ABCA3: variants seen among roughly 807,000 people sequenced by gnomAD.
ABCA3 encodes the protein phospholipid-transporting ATPase ABCA3.
Under a neutral mutation model 172.8 loss-of-function variants are expected in ABCA3, and 88 were observed. The observed-to-expected ratio is 0.51, with a 90% confidence interval of 0.43 to 0.61. The LOEUF (loss-of-function observed/expected upper bound fraction) is 0.61. Ranked by LOEUF, ABCA3 falls within the 20% of genes least tolerant of loss-of-function variation. ABCA3 has a pLI of 0.00. For synonymous variants in ABCA3, 1,066 were observed against 983.8 expected (o/e 1.08, Z -1.56); for missense variants, 2,164 against 2,301.0 (o/e 0.94, Z 1.22).
intron 2 of ABCA3, 139 bp from the exon 3 acceptor site, chr16:2,328,896 G>T (rs1401365457): frequency 1.3e-5 from 2 of 151,834 alleles, no homozygotes; most frequent in African/African-American, 4.8e-5. Flanking sequence ...GCACGGGGAA[G>T]GGTTTTTTTT....
rs975627954 is a variant in ABCA3, at chr16:2,284,726, G to A, written c.3703+53C>T. ...GTGGCTGGTGCCTCCCTGTCTGGGC[G>A]GAGTGGCTCCGTGGATGGCCATGGG... is the stretch of plus-strand genomic sequence containing the variant. On this transcript the variant is annotated intron_variant, in intron 24 of 32. Coordinates refer to ENST00000301732, the MANE Select transcript of ABCA3 (RefSeq NM_001089.3). This position sits in a 1 kb window ranked among gnomAD's most constrained non-coding sequence, Gnocchi z 5.9. The A allele has an allele frequency of 3.1e-5, 48 of 1,564,070 alleles. No individual in the cohort carries two copies. Among genetic ancestry groups the A allele is most frequent in the Admixed American group, 1.1e-4 (6 of 55,140 alleles).
intron 1 of ABCA3, among the ~76,000 whole-genome samples, chr16:2,336,431 CTTT>C (rs112497349): frequency 1.4e-4 from 19 of 139,750 alleles, no homozygotes; most frequent in African/African-American, 4.2e-4. Context: ...ATATACAGAA[CTTT>C]TTTTTTTTTT....
At chr16:2,336,272 C>A (rs1440268757) in intron 1 of ABCA3, among the ~76,000 whole-genome samples, 1 of 152,198 alleles carries the variant, frequency 6.6e-6, no homozygotes, top group Non-Finnish European at 1.5e-5. Flanking sequence ...CTGATAGCCC[C>A]TGAACATACC....
chr16:2,338,751 CTTTTTTTTTTTTT>C (rs34719364), intron 1 of ABCA3, among the ~76,000 whole-genome samples: 2 of 121,600 alleles, frequency 1.6e-5, no homozygotes, highest in Non-Finnish European at 1.7e-5. Context: ...TCCAATTCAT[CTTTTTTTTTTTTT>C]TTTTTTTTGA....
At chr16:2,315,071 G>A (rs2093712873) in intron 10 of ABCA3, among the ~76,000 whole-genome samples, 1 of 150,434 alleles carries the variant, frequency 6.6e-6, no homozygotes, top group African/African-American at 2.4e-5. Context: ...TTTTAGTAGA[G>A]ACGAGGTTTC....
In ABCA3 at chr16:2,298,056, C is replaced by T. The variant is rs879001887; in HGVS notation, c.1897-135G>A. ...AGGGCTCCTGGCGGGAGGCCGACCA[C>T]GGCCAGCAAGGTTCTGGTGAGAGGA... On this transcript the variant is annotated intron_variant, in intron 15 of 32. Coordinates refer to ENST00000301732, the MANE Select transcript of ABCA3 (RefSeq NM_001089.3). 1.8e-4 allele frequency: 155 copies of T among 843,934 alleles called. 31 individuals are homozygous for T. Among genetic ancestry groups the T allele is most frequent in the Admixed American group, 1.2e-3 (40 of 32,898 alleles). 52.3% of individuals were successfully genotyped at this position (843,934 alleles called of 1,614,324 possible). A position where few individuals can be genotyped will look rare whatever the true frequency, so the allele number is the denominator to read the frequency against.
At chr16:2,302,329 T>C (rs2093690849) in intron 12 of ABCA3, among the ~76,000 whole-genome samples, 1 of 152,130 alleles carries the variant, frequency 6.6e-6, no homozygotes, top group Non-Finnish European at 1.5e-5. Flanking sequence ...AATACTTAGG[T>C]AGAAATATAT....
rs373102317 is a variant in ABCA3, at chr16:2,281,126, G to A, written c.4260C>T (p.Ala1420=). The A allele has an allele frequency of 3.0e-5, 49 of 1,613,886 alleles. No homozygotes were observed. The South Asian group carries it at 4.0e-4, about 13-fold the overall frequency. ...GCATTTTGAAAGTCGTGGTCTTCCC[G>A]GCTCCATTGAAGCCCAGCAGGCCGA... The part of the protein sequence containing the change: ...ECFGLLGFNG[A]GKTTTFKMLT... The change falls in exon 28 of 33, where the codon GCC becomes GCT. Residue 1420 remains alanine, a synonymous_variant. Coordinates refer to ENST00000301732, the MANE Select transcript of ABCA3 (RefSeq NM_001089.3). This position sits in a 1 kb window ranked among gnomAD's most constrained non-coding sequence, Gnocchi z 4.7.
intron 12 of ABCA3, among the ~76,000 whole-genome samples, chr16:2,302,287 G>A (rs1009093952): frequency 1.3e-5 from 2 of 152,252 alleles, no homozygotes; most frequent in Non-Finnish European, 2.9e-5. Flanking sequence ...CTCCCCGACC[G>A]AGCTGGTCTC....
chr16:2,304,707 G>A (rs1596849256), intron 11 of ABCA3, among the ~76,000 whole-genome samples: 1 of 137,354 alleles, frequency 7.3e-6, no homozygotes, highest in Non-Finnish European at 1.5e-5. Flanking sequence ...ATGGAGTCTT[G>A]CTCTGTCTCC....
At position 2,286,549 on chromosome 16, in the gene ABCA3, G is replaced by A. The variant is rs550017172; in HGVS notation, c.3278+145C>T. 5.0e-5 allele frequency: 54 copies of A among 1,088,224 alleles called. No individual in the cohort carries two copies. In the African/African-American group the frequency reaches 5.9e-4, roughly 12 times the overall value. The allele number at this position is 1,088,224 out of a possible 1,614,324, so 67.4% of individuals were successfully genotyped here. A position where few individuals can be genotyped will look rare whatever the true frequency, so the allele number is the denominator to read the frequency against. ...GGGAGTTGGGGCTGTGGATGGTGGA[G>A]GAGGATGTGGCAGGGGTTTCCCACC... is the stretch of plus-strand genomic sequence containing the variant. On this transcript the variant is annotated intron_variant, in intron 22 of 32. Transcript: ENST00000301732. The surrounding 1 kb of genome is among the most constrained non-coding windows in gnomAD (Gnocchi z 5.2).
At position 2,286,774 on chromosome 16, in the gene ABCA3, G is replaced by A. The variant is rs200744282; in HGVS notation, c.3198C>T (p.Cys1066=). The change falls in exon 22 of 33, where the codon TGC becomes TGT. Residue 1066 remains cysteine (C), a synonymous_variant. Coordinates refer to ENST00000301732, the MANE Select transcript of ABCA3 (RefSeq NM_001089.3). The surrounding 1 kb of genome is among the most constrained non-coding windows in gnomAD (Gnocchi z 5.2). ...AGACCACAATGGAGGCGTGAGGCCC[G>A]CACAGCAGCTTGAACAGAAGGTTGT... ...VVDNLLFKLL[C]GPHASIVVSN... 6.2e-6 allele frequency: 10 copies of A among 1,614,132 alleles called. No homozygotes were observed. The highest frequency in any genetic ancestry group is 4.5e-5 in the East Asian group (2 of 44,888).
chr16:2,282,236 A>G (rs1475894255), intron 26 of ABCA3, among the ~76,000 whole-genome samples: 2 of 152,202 alleles, frequency 1.3e-5, no homozygotes, highest in Admixed American at 6.5e-5. Context: ...AGCTAGGATT[A>G]CAGGTGTGTG....
intron 12 of ABCA3, among the ~76,000 whole-genome samples, chr16:2,301,792 TG>T (rs1226692499): frequency 2.0e-5 from 3 of 151,882 alleles, no homozygotes; most frequent in Non-Finnish European, 4.4e-5. Context: ...GCCCACAGAA[TG>T]GAACACTGTG....
Position 2,302,040 on chromosome 16 carries a change from C to T in ABCA3, c.1468-1892G>A, listed in dbSNP as rs141346440. Among the ~76,000 whole-genome samples the T allele has an allele frequency of 4.9e-3, 748 of 152,370 alleles. 15 individuals carry two copies. The highest frequency in any genetic ancestry group is 0.023 in the East Asian group (119 of 5,194). ...GCCTGAGAGATCTGTGTCTTAAGGG[C>T]GTGTTCCTGCTGCAAGTAATTCGGC... On this transcript the variant is annotated intron_variant, in intron 12 of 32. Coordinates refer to ENST00000301732, the MANE Select transcript of ABCA3 (RefSeq NM_001089.3).
At position 2,284,279 on chromosome 16, in the gene ABCA3, T is replaced by TA; in HGVS notation, c.3861dup (p.Asn1288Ter). The TA allele has an allele frequency of 6.2e-7, 1 of 1,613,222 alleles. No individual in the cohort carries two copies. Among genetic ancestry groups the TA allele is most frequent in the South Asian group, 1.1e-5 (1 of 91,078 alleles). ...CCGGGGTCGGGGCTGGGACACTCAC[T>TA]ATATTTCTTGCAGTAGTGGGCGGCG... is the stretch of plus-strand genomic sequence containing the variant. On this transcript the variant is annotated frameshift_variant and splice_region_variant, in exon 25 of 33. Coordinates refer to ENST00000301732, the MANE Select transcript of ABCA3 (RefSeq NM_001089.3). LOFTEE classifies it high-confidence loss of function. The surrounding 1 kb of genome is among the most constrained non-coding windows in gnomAD (Gnocchi z 5.9).
Position 2,300,060 on chromosome 16 carries a change from A to T in ABCA3, c.1556T>A (p.Phe519Tyr), listed in dbSNP as rs769503204. The T allele has an allele frequency of 1.2e-6, 2 of 1,613,034 alleles. No individual in the cohort carries two copies. Among genetic ancestry groups the T allele is most frequent in the Non-Finnish European group, 1.7e-6 (2 of 1,179,840 alleles). Residue 519 changes from phenylalanine to tyrosine, a missense_variant, in exon 13 of 33, where the codon TTT becomes TAT. By Grantham distance (22) the Phe-to-Tyr change is conservative (BLOSUM62 3). Around this residue, in one of 3 missense-constraint regions of ABCA3, gnomAD observed 1,343 missense variants for 1,369.6 expected, o/e 0.98. Coordinates refer to ENST00000301732, the MANE Select transcript of ABCA3 (RefSeq NM_001089.3). Reference protein sequence around the residue: ...DPEKALRNEYFEAEPEDLVAG... With the variant: ...DPEKALRNEYYEAEPEDLVAG... ...CACCAGGTCCTCTGGCTCGGCTTCA[A>T]AGTACTCGTTTCTGAGTGCTTTCTC...
Position 2,294,228 on chromosome 16 carries a change from G to A in ABCA3, c.2414+1362C>T, listed in dbSNP as rs188226227. Among the ~76,000 whole-genome samples the A allele has an allele frequency of 3.4e-3, 505 of 149,050 alleles. 4 individuals are homozygous for A. Among genetic ancestry groups the A allele is most frequent in the Non-Finnish European group, 1.6e-3 (109 of 67,162 alleles). On this transcript the variant is annotated intron_variant, in intron 18 of 32. Coordinates refer to ENST00000301732, the MANE Select transcript of ABCA3 (RefSeq NM_001089.3). ...TTTTTAGTAGAGACGAGGTTTCACC[G>A]TGTTGGCCAGGATGGTCTCGATCTC...
At chr16:2,301,664 C>T (rs527956629) in intron 12 of ABCA3, among the ~76,000 whole-genome samples, 57 of 149,572 alleles carry the variant, frequency 3.8e-4, no homozygotes, top group Non-Finnish European at 4.3e-4. Flanking sequence ...GAGCTGAGAT[C>T]GCGCCACTGG....
Sources: gnomAD v4.1 joint callset for allele counts (sites outside exome capture counted in the v4.1 genomes callset) on GRCh38, gnomAD v4.1.1 for gene constraint, gnomAD v4.1.1 regional missense constraint, Gnocchi (gnomAD v3.1) non-coding constraint, MANE v1.5 for transcripts, NCBI Gene and HGNC (gene_info 2026-07-23, HGNC 2026-07-21) for gene names.